LEPR: variants seen among roughly 807,000 people sequenced by gnomAD.
LEPR encodes leptin receptor.
LEPR carries 56 observed loss-of-function variants against 114.7 expected under a neutral mutation model. That is an observed-to-expected ratio of 0.49 (90% confidence interval 0.39 to 0.61). LEPR has a LOEUF of 0.61. Ranked by LOEUF, LEPR falls within the 20% of genes least tolerant of loss-of-function variation. The probability of loss-of-function intolerance (pLI) is 0.00; values close to 1 mark genes in which losing one functional copy is unlikely to be tolerated. For synonymous variants in LEPR, 443 were observed against 461.4 expected, an observed-to-expected ratio of 0.96 and a Z score of 0.51; for missense variants, 1,202 against 1,352.9, an observed-to-expected ratio of 0.89 and a Z score of 1.75.
At position 65,502,324 on chromosome 1, in the gene LEPR, A is replaced by T. The variant is rs550578845; in HGVS notation, c.-20-63222A>T. ...TTGAGAAAATGACCATCTGTAAACC[A>T]AGGAGAGAGGTTTTAGGAGAAACCA... On this transcript the variant is annotated intron_variant, in intron 2 of 19. Transcript: ENST00000349533. Among the ~76,000 whole-genome samples, 3 of 152,276 alleles carry T rather than the reference A, an allele frequency of 2.0e-5. No homozygotes were observed. The South Asian group carries it at 6.2e-4, about 32-fold the overall frequency.
intron 8 of LEPR, among the ~76,000 whole-genome samples, chr1:65,599,494 T>A (rs138921751): frequency 7.9e-5 from 12 of 152,294 alleles, no homozygotes; most frequent in African/African-American, 2.6e-4. Context: ...CATGCAAATA[T>A]CAATCCATTT....
chr1:65,507,988 C>T (rs1648841673), intron 2 of LEPR, among the ~76,000 whole-genome samples: 1 of 152,142 alleles, frequency 6.6e-6, no homozygotes, highest in Admixed American at 6.6e-5. Context: ...TGTATGTCTT[C>T]TCCTGAGAAA....
At position 65,640,978 on chromosome 1, in the gene LEPR, G is replaced by C. The variant is rs1006635978; in HGVS notation, c.*3963G>C. On this transcript the variant is annotated 3_prime_UTR_variant, in exon 20 of 20. Transcript: ENST00000349533. ...TTTAGTAGAGATGGGGTTTTGCCCT[G>C]TTGGCCAGGCTGGTCTTGAACTCCT... is the stretch of plus-strand genomic sequence containing the variant. The C allele has an allele frequency of 2.0e-5, 3 of 152,090 alleles. No homozygotes were observed. The highest frequency in any genetic ancestry group is 2.0e-4 in the Admixed American group (3 of 15,272). 9.4% of individuals were successfully genotyped at this position (152,090 alleles called of 1,614,324 possible). A position where few individuals can be genotyped will look rare whatever the true frequency, so the allele number is the denominator to read the frequency against.
At chr1:65,606,392 C>T (rs1405452378) in intron 11 of LEPR, among the ~76,000 whole-genome samples, 2 of 152,066 alleles carry the variant, frequency 1.3e-5, no homozygotes, top group African/African-American at 4.8e-5. Flanking sequence ...TGGTGTTATC[C>T]TTTTCAAAAC....
chr1:65,431,758 A>G (rs752229372), intron 2 of LEPR: 1 of 1,592,462 alleles, frequency 6.3e-7, no homozygotes, highest in South Asian at 1.1e-5. Flanking sequence ...AAAGAGTACA[A>G]TATGAAGGAA....
chr1:65,463,241 A>G (rs1214986322), intron 2 of LEPR, among the ~76,000 whole-genome samples: 6 of 152,172 alleles, frequency 3.9e-5, no homozygotes, highest in African/African-American at 1.2e-4. Context: ...AGCACCATTT[A>G]TTAAATAGGG....
rs539670674 is a variant in LEPR, at chr1:65,566,499, C to T, written c.40+894C>T. On this transcript the variant is annotated intron_variant, in intron 3 of 19. Coordinates refer to ENST00000349533, the MANE Select transcript of LEPR (RefSeq NM_002303.6). The stretch of plus-strand genomic sequence containing the variant: ...ACAGGCGTGAGCCACCGTGCCCAGC[C>T]GATACATTGCCAATAACTTTTGAGC... Among the ~76,000 whole-genome samples the T allele has an allele frequency of 5.1e-4, 78 of 152,246 alleles. 2 individuals are homozygous for T. In the South Asian group the frequency reaches 0.015, roughly 29 times the overall value.
At chr1:65,557,451 A>C (rs1291420922) in intron 2 of LEPR, among the ~76,000 whole-genome samples, 1 of 152,026 alleles carries the variant, frequency 6.6e-6, no homozygotes, top group Non-Finnish European at 1.5e-5. Flanking sequence ...ACAGAGTCTC[A>C]CTTTGTCATC....
intron 2 of LEPR, among the ~76,000 whole-genome samples, chr1:65,549,313 C>A (rs996391510): frequency 6.6e-6 from 1 of 150,448 alleles, no homozygotes; most frequent in Non-Finnish European, 1.5e-5. Flanking sequence ...CGAGGAGTAT[C>A]TTTGTGGCGT....
At chr1:65,510,744 G>A (rs749647786) in intron 2 of LEPR, among the ~76,000 whole-genome samples, 2 of 152,096 alleles carry the variant, frequency 1.3e-5, no homozygotes, top group East Asian at 1.9e-4. Flanking sequence ...AAGCCAAAAG[G>A]GAAAGAAAGA....
intron 2 of LEPR, among the ~76,000 whole-genome samples, chr1:65,456,103 C>T (rs912828020): frequency 1.2e-4 from 18 of 152,298 alleles, no homozygotes; most frequent in African/African-American, 2.9e-4. Context: ...TGACCCCTTG[C>T]GCTTCCCGAG....
intron 2 of LEPR, among the ~76,000 whole-genome samples, chr1:65,532,060 A>G (rs921538444): frequency 6.6e-6 from 1 of 152,216 alleles, no homozygotes; most frequent in Non-Finnish European, 1.5e-5. Context: ...ATTTTTCGCC[A>G]TCTGATGGGT....
chr1:65,622,759 C>T, intron 18 of LEPR, 147 bp from the exon 19 acceptor site: 1 of 751,332 alleles, frequency 1.3e-6, no homozygotes, highest in Non-Finnish European at 2.2e-6. Flanking sequence ...TAGAAATCTT[C>T]ATGGGCTAGC....
chr1:65,466,711 G>A (rs1370332541), intron 2 of LEPR, among the ~76,000 whole-genome samples: 1 of 152,078 alleles, frequency 6.6e-6, no homozygotes, highest in Non-Finnish European at 1.5e-5. Flanking sequence ...TTTCTTGGAG[G>A]CTTTGTTCAT....
rs773805917 is a variant in LEPR, at chr1:65,570,777, A to G, written c.345A>G (p.Val115=). The change falls in exon 4 of 20, where the codon GTA becomes GTG. Residue 115 remains valine (V), a synonymous_variant. Transcript: ENST00000349533. ...AAGGAAAGACATTTGTTTCAACAGT[A>G]AATTCTTTAGTTTTTCAACAAATAG... is the stretch of plus-strand genomic sequence containing the variant. ...NIEGKTFVST[V]NSLVFQQIDA... is the part of the protein sequence containing the mutation. 99 of 1,564,802 alleles carry G rather than the reference A, an allele frequency of 6.3e-5. No homozygotes were observed. Among genetic ancestry groups the G allele is most frequent in the Non-Finnish European group, 8.4e-5 (97 of 1,156,324 alleles).
At chr1:65,456,128 G>A (rs995593053) in intron 2 of LEPR, among the ~76,000 whole-genome samples, 8 of 152,080 alleles carry the variant, frequency 5.3e-5, no homozygotes, top group Non-Finnish European at 8.8e-5. Flanking sequence ...GCAATGCCTC[G>A]CCCAGCTTCG....
At chr1:65,597,628 T>A (rs1656155765) in intron 7 of LEPR, among the ~76,000 whole-genome samples, 1 of 152,042 alleles carries the variant, frequency 6.6e-6, no homozygotes, top group African/African-American at 2.4e-5. Flanking sequence ...GCAGTAGTGG[T>A]TGAATTCAGA....
At chr1:65,513,263 C>A (rs769681023) in intron 2 of LEPR, among the ~76,000 whole-genome samples, 1 of 152,158 alleles carries the variant, frequency 6.6e-6, no homozygotes, top group Non-Finnish European at 1.5e-5. Flanking sequence ...GGAACAGTTT[C>A]TCTGCCAAAA....
At chr1:65,464,324 C>T (rs1237344164) in intron 2 of LEPR, among the ~76,000 whole-genome samples, 1 of 152,082 alleles carries the variant, frequency 6.6e-6, no homozygotes, top group Non-Finnish European at 1.5e-5. Flanking sequence ...TGATGGATTA[C>T]GTTTATTGAT....
Sources: allele counts gnomAD v4.1 joint callset (sites outside exome capture counted in the v4.1 genomes callset), GRCh38; gene constraint gnomAD v4.1.1; transcripts MANE v1.5; gene names NCBI Gene and HGNC (gene_info 2026-07-23, HGNC 2026-07-21).